Variants in CNTN6 observed in about 807,000 individuals in gnomAD.
CNTN6 encodes the protein contactin 6.
CNTN6 carries 137 observed loss-of-function variants against 122.8 expected under a neutral mutation model. The ratio of observed to expected loss-of-function variants is 1.12; its 90% CI spans 0.97 to 1.29. The LOEUF is 1.29. Among genes scored for constraint, CNTN6 ranks in the 50% most tolerant of loss-of-function variants. The pLI is 0.00. For synonymous variants in CNTN6, 570 were observed against 426.0 expected (o/e 1.34, Z -4.16); for missense variants, 1,634 against 1,223.4 (o/e 1.34, Z -5.01).
chr3:1,352,371 G>T lies in CNTN6; in HGVS notation c.1412G>T (p.Arg471Met). ...AGCCTCAAGATATATAATATTACCA[G>T]GTCAGATGCTGGATCATATACATGC... ...DGSLKIYNIT[R>M]SDAGSYTCIA... The change falls in exon 12 of 23, where the codon AGG (arginine) becomes ATG (methionine). Residue 471 changes from arginine (R) to methionine (M), a missense_variant. Arg to Met is a moderately conservative substitution (Grantham distance 91). Transcript: ENST00000446702. 2 of 1,588,416 alleles carry T rather than the reference G, an allele frequency of 1.3e-6. No individual in the cohort carries two copies. The highest frequency in any genetic ancestry group is 1.7e-6 in the Non-Finnish European group (2 of 1,164,256).
At chr3:1,371,748 ACTT>A (rs1245408117) in intron 12 of CNTN6, among the ~76,000 whole-genome samples, 1 of 152,116 alleles carries the variant, frequency 6.6e-6, no homozygotes, top group Non-Finnish European at 1.5e-5. Flanking sequence ...TAAAGGGAAA[ACTT>A]CCATCTTCCC....
chr3:1,181,383 T>C (rs1425348831), intron 2 of CNTN6, among the ~76,000 whole-genome samples: 1 of 152,224 alleles, frequency 6.6e-6, no homozygotes, highest in Non-Finnish European at 1.5e-5. Flanking sequence ...ATTGTGATTA[T>C]GCATGTATCA....
chr3:1,185,698 G>A (rs1499097), intron 2 of CNTN6, among the ~76,000 whole-genome samples: 26,148 of 152,084 alleles, frequency 0.17, 2,749 homozygotes, highest in East Asian at 0.25. Flanking sequence ...TTGAGAGTAC[G>A]GACTGAAGAC....
rs538989085 is a variant in CNTN6, at chr3:1,293,655, T to G, written c.455-1946T>G. ...ACAAGAGGCTCCAAGATGCATAAAC[T>G]ACTCCCCTGTGAACTATAATTCAAA... On this transcript the variant is annotated intron_variant, in intron 5 of 22. Coordinates refer to ENST00000446702, the MANE Select transcript of CNTN6 (RefSeq NM_001289080.2). Among the ~76,000 whole-genome samples the G allele has an allele frequency of 1.1e-3, 161 of 152,270 alleles. 1 individual carries two copies. In the Middle Eastern group the frequency reaches 0.014, roughly 13 times the overall value.
intron 17 of CNTN6, among the ~76,000 whole-genome samples, chr3:1,377,463 C>T (rs997124298): frequency 5.9e-5 from 9 of 152,104 alleles, no homozygotes; most frequent in African/African-American, 1.9e-4. Flanking sequence ...CTGCTGTTCA[C>T]CTCTGATCAA....
At chr3:1,328,318 G>C (rs529386184) in intron 10 of CNTN6, among the ~76,000 whole-genome samples, 32 of 151,912 alleles carry the variant, frequency 2.1e-4, no homozygotes, top group African/African-American at 7.5e-4. Context: ...AGTGGTGTCT[G>C]CCACAATAAA....
At chr3:1,103,472 GCTTTC>G (rs544535472) in intron 1 of CNTN6, among the ~76,000 whole-genome samples, 237 of 152,280 alleles carry the variant, frequency 1.6e-3, no homozygotes, top group African/African-American at 5.4e-3. Flanking sequence ...TTTTCTATCT[GCTTTC>G]TTTAGGGCAC....
intron 22 of CNTN6, 97 bp from the exon 23 acceptor site, chr3:1,403,221 A>G: frequency 1.5e-6 from 1 of 680,512 alleles, no homozygotes; most frequent in East Asian, 2.7e-5. Flanking sequence ...ATGTTACTAG[A>G]AGAGAAATGA....
chr3:1,190,050 T>C (rs779859639), intron 2 of CNTN6, among the ~76,000 whole-genome samples: 1 of 152,200 alleles, frequency 6.6e-6, no homozygotes, highest in South Asian at 2.1e-4. Flanking sequence ...CAGCTGGAAG[T>C]TTGAGACCAG....
rs528760713 is a variant in CNTN6, at chr3:1,143,368, G to T, written c.-82-4559G>T. Among the ~76,000 whole-genome samples the T allele has an allele frequency of 2.6e-5, 4 of 152,160 alleles. No homozygotes were observed. In the South Asian group the frequency reaches 8.3e-4, roughly 32 times the overall value. ...CTCTGGGCCAAATTATCATTTAAAA[G>T]ACCTCATCTAAAACAAAATGCTGGT... is the stretch of plus-strand genomic sequence containing the variant. On this transcript the variant is annotated intron_variant, in intron 1 of 22. Transcript: ENST00000446702.
At chr3:1,358,974 C>T (rs761606602) in intron 12 of CNTN6, among the ~76,000 whole-genome samples, 36 of 151,920 alleles carry the variant, frequency 2.4e-4, no homozygotes, top group Non-Finnish European at 4.4e-4. Context: ...ATGGAAGGAT[C>T]ACTTGAGCTC....
intron 1 of CNTN6, among the ~76,000 whole-genome samples, chr3:1,136,481 T>A (rs1012818033): frequency 1.3e-5 from 2 of 152,210 alleles, no homozygotes; most frequent in African/African-American, 4.8e-5. Context: ...TAATGTACAC[T>A]GGCCCTGGAG....
At chr3:1,103,070 C>T (rs2091029380) in intron 1 of CNTN6, among the ~76,000 whole-genome samples, 1 of 151,886 alleles carries the variant, frequency 6.6e-6, no homozygotes, top group Admixed American at 6.6e-5. Context: ...GGCGCCACCG[C>T]ACTCCAGCCT....
At chr3:1,152,209 G>C (rs969033743) in intron 2 of CNTN6, among the ~76,000 whole-genome samples, 5 of 152,026 alleles carry the variant, frequency 3.3e-5, no homozygotes, top group African/African-American at 1.2e-4. Context: ...CGTGATATCA[G>C]CTCACTGCAA....
chr3:1,151,825 G>T (rs565146008), intron 2 of CNTN6, among the ~76,000 whole-genome samples: 53 of 151,968 alleles, frequency 3.5e-4, no homozygotes, highest in Admixed American at 3.3e-3. Context: ...AACTCTGCTG[G>T]GATAAATGCT....
At chr3:1,165,504 C>T (rs1360529661) in intron 2 of CNTN6, among the ~76,000 whole-genome samples, 2 of 152,090 alleles carry the variant, frequency 1.3e-5, no homozygotes, top group African/African-American at 4.8e-5. Flanking sequence ...TGAGCTTTTT[C>T]AAACTTTTTT....
At chr3:1,303,556 C>G (rs569993490) in intron 7 of CNTN6, among the ~76,000 whole-genome samples, 2 of 152,164 alleles carry the variant, frequency 1.3e-5, no homozygotes, top group Non-Finnish European at 2.9e-5. Flanking sequence ...CTAAAGCTTG[C>G]CGTTATTTCA....
intron 1 of CNTN6, among the ~76,000 whole-genome samples, chr3:1,136,409 G>A (rs922016564): frequency 5.3e-5 from 8 of 152,040 alleles, no homozygotes; most frequent in African/African-American, 1.4e-4. Flanking sequence ...ACAGAAAACC[G>A]AATCCCATGA....
At position 1,376,984 on chromosome 3, in the gene CNTN6, AT is replaced by A; in HGVS notation, c.2096-18del. On this transcript the variant is annotated intron_variant, in intron 16 of 22. Coordinates refer to ENST00000446702, the MANE Select transcript of CNTN6 (RefSeq NM_001289080.2). ...CGTACTTTAATAATTGCCATCCCAC[AT>A]TTCTCTTGGTTATTTTTAGTCCCTG... 1.3e-6 allele frequency: 2 copies of A among 1,552,554 alleles called. No individual in the cohort carries two copies. The highest frequency in any genetic ancestry group is 8.8e-7 in the Non-Finnish European group (1 of 1,141,278).
Sources: gnomAD v4.1 joint callset for allele counts (sites outside exome capture counted in the v4.1 genomes callset) on GRCh38, gnomAD v4.1.1 for gene constraint, MANE v1.5 for transcripts, NCBI Gene and HGNC (gene_info 2026-07-23, HGNC 2026-07-21) for gene names.